PSG6: variants seen among roughly 807,000 people sequenced by gnomAD.
The protein encoded by PSG6 is pregnancy specific beta-1-glycoprotein 6, also known as pregnancy-specific beta-1-glycoprotein 6.
PSG6 carries 51 observed loss-of-function variants against 43.3 expected under a neutral mutation model. The observed-to-expected ratio is 1.18, with a 90% CI of 0.94 to 1.49. PSG6 has a LOEUF of 1.49. Ranked by LOEUF, PSG6 falls within the 40% of genes most tolerant of loss-of-function variation. PSG6 has a pLI of 0.00. For missense variants in PSG6, 770 were observed against 522.2 expected, an observed-to-expected ratio of 1.47 and a Z score of -4.62; for synonymous variants, 292 against 197.6, an observed-to-expected ratio of 1.48 and a Z score of -4.01.
In PSG6 at chr19:42,902,268, C is replaced by G; in HGVS notation, c.*144G>C. 2 of 1,051,860 alleles carry G rather than the reference C, an allele frequency of 1.9e-6. No homozygotes were observed. Among genetic ancestry groups the G allele is most frequent in the Non-Finnish European group, 2.7e-6 (2 of 739,366 alleles). The allele number at this position is 1,051,860 out of a possible 1,614,324, so 65.2% of individuals were successfully genotyped here. On this transcript the variant is annotated 3_prime_UTR_variant, in exon 6 of 6. Transcript: ENST00000187910. The stretch of plus-strand genomic sequence containing the variant: ...CTGGAGAATAAAACATTCCAAGAAT[C>G]AGCACATTTTCCAATAAAAAATTAT...
In PSG6 at chr19:42,907,153, A is replaced by G. The variant is rs756927737; in HGVS notation, c.1009T>C (p.Tyr337His). The G allele has an allele frequency of 6.2e-7, 1 of 1,612,554 alleles. No individual in the cohort carries two copies. The highest frequency in any genetic ancestry group is 2.2e-5 in the East Asian group (1 of 44,812). The stretch of plus-strand genomic sequence containing the variant: ...GAACGGTAATAGGTGAATGAAGGGT[A>G]AATTCTGGGGAGGTCTGGACCATCT... ...VLYGPDLPRI[Y>H]PSFTYYRSGE... is the part of the protein sequence containing the mutation. The change falls in exon 5 of 6, where the codon TAC becomes CAC. Residue 337 changes from tyrosine (Y) to histidine (H), a missense_variant. Transcript: ENST00000187910.
chr19:42,914,618 G>A (rs182302549), intron 2 of PSG6, among the ~76,000 whole-genome samples: 2 of 151,446 alleles, frequency 1.3e-5, no homozygotes, highest in Admixed American at 6.6e-5. Context: ...GAGGTAGTGG[G>A]GGGATGAAAC....
chr19:42,907,744 A>T lies in PSG6; in HGVS notation c.817T>A (p.Trp273Arg), dbSNP rs749754812. 1 of 1,610,824 alleles carries T rather than the reference A, an allele frequency of 6.2e-7. No individual in the cohort carries two copies. Among genetic ancestry groups the T allele is most frequent in the Non-Finnish European group, 8.5e-7 (1 of 1,179,108 alleles). The change falls in exon 4 of 6, where the codon TGG becomes AGG. Residue 273 changes from tryptophan to arginine, a missense_variant. Trp to Arg is a moderately radical substitution (Grantham distance 101). Transcript: ENST00000187910. The part of the protein sequence containing the change: ...PKSRNYTYIW[W>R]LNGQSLPVSP... ...ACCGGGAGGCTCTGACCATTTAGCCACCAAATGTAGGTGTAGTTCCGACTC... is the reference window on the plus strand; with the variant it reads ...ACCGGGAGGCTCTGACCATTTAGCCTCCAAATGTAGGTGTAGTTCCGACTC...
At chr19:42,902,534 G>C in intron 5 of PSG6, 88 bp from the exon 6 acceptor site, 1 of 1,554,904 alleles carries the variant, frequency 6.4e-7, no homozygotes, top group Non-Finnish European at 8.8e-7. Context: ...TCCCAGCAAG[G>C]GTGTGAAAGC....
intron 1 of PSG6, among the ~76,000 whole-genome samples, chr19:42,916,876 C>G (rs908644028): frequency 1.3e-5 from 2 of 151,452 alleles, no homozygotes; most frequent in African/African-American, 4.9e-5. Flanking sequence ...CTGACCTTTC[C>G]CTGCTCTGCT....
rs370840385 is a variant in PSG6 at position 42,913,946 on chromosome 19, A to C, written c.427+2179T>G. Among the ~76,000 whole-genome samples, 32 of 151,832 alleles carry C rather than the reference A, an allele frequency of 2.1e-4. 2 individuals are homozygous for C. The highest frequency in any genetic ancestry group is 1.1e-3 in the Admixed American group (16 of 15,222). On this transcript the variant is annotated intron_variant, in intron 2 of 5. Coordinates refer to ENST00000187910, the MANE Select transcript of PSG6 (RefSeq NM_001031850.4). ...CTGATCCACTGGGGAGGCTGATTTGAGTAATAATAAACCTCCACCCTCCTG... is the reference window on the plus strand; with the variant it reads ...CTGATCCACTGGGGAGGCTGATTTGCGTAATAATAAACCTCCACCCTCCTG...
At chr19:42,916,561 G>T in intron 1 of PSG6, 74 bp from the exon 2 acceptor site, 1 of 1,528,736 alleles carries the variant, frequency 6.5e-7, no homozygotes, top group East Asian at 2.3e-5. Flanking sequence ...CCTGTGTCCT[G>T]AGAAGGTCTC....
At chr19:42,908,219 A>G (rs1428610201) in intron 3 of PSG6, among the ~76,000 whole-genome samples, 4 of 151,486 alleles carry the variant, frequency 2.6e-5, no homozygotes, top group Non-Finnish European at 4.4e-5. Flanking sequence ...GCCCCTTCCA[A>G]ATTACATCCT....
At chr19:42,910,934 G>T in intron 2 of PSG6, 76 bp from the exon 3 acceptor site, 1 of 1,533,508 alleles carries the variant, frequency 6.5e-7, no homozygotes. Context: ...AATCAGAGTT[G>T]GCATTTCCAA....
rs148418728 is a variant in PSG6, at chr19:42,915,108, G to T, written c.427+1017C>A. ...CAGTAAGCCCTCACTTCTGGTAGAG[G>T]AGAGGATGGGCCTGTGGCTGCAGAC... On this transcript the variant is annotated intron_variant, in intron 2 of 5. Transcript: ENST00000187910. Among the ~76,000 whole-genome samples the T allele has an allele frequency of 2.3e-3, 346 of 151,528 alleles. 9 individuals are homozygous for T. The highest frequency in any genetic ancestry group is 7.4e-3 in the African/African-American group (304 of 41,314).
At position 42,917,841 on chromosome 19, in the gene PSG6, C is replaced by T; in HGVS notation, c.-49G>A. The T allele has an allele frequency of 1.3e-6, 2 of 1,588,314 alleles. No individual in the cohort carries two copies. Among genetic ancestry groups the T allele is most frequent in the Non-Finnish European group, 1.7e-6 (2 of 1,164,390 alleles). On this transcript the variant is annotated 5_prime_UTR_variant, in exon 1 of 6. Coordinates refer to ENST00000187910, the MANE Select transcript of PSG6 (RefSeq NM_001031850.4). ...CCCCTGTGGAGATGAGCCTAGGATCCAGAGACTTCCTGAGCAGGGCTGTCA... is the reference window on the plus strand; with the variant it reads ...CCCCTGTGGAGATGAGCCTAGGATCTAGAGACTTCCTGAGCAGGGCTGTCA...
At position 42,915,990 on chromosome 19, in the gene PSG6, C is replaced by A. The variant is rs376871607; in HGVS notation, c.427+135G>T. ...GTGTCTCCTCTGTGTGTGTCCTGCA[C>A]TAAATGCCCAAACCCCAGCATGGGA... is the stretch of plus-strand genomic sequence containing the variant. On this transcript the variant is annotated intron_variant, in intron 2 of 5. Transcript: ENST00000187910. The A allele has an allele frequency of 1.5e-4, 215 of 1,473,878 alleles. 13 individuals carry two copies. In the East Asian group the frequency reaches 2.9e-3, roughly 20 times the overall value. 91.3% of individuals were successfully genotyped at this position (1,473,878 alleles called of 1,614,324 possible). A position where few individuals can be genotyped will look rare whatever the true frequency, so the allele number is the denominator to read the frequency against.
chr19:42,911,246 C>T (rs1012958852), intron 2 of PSG6, among the ~76,000 whole-genome samples: 1 of 151,438 alleles, frequency 6.6e-6, no homozygotes, highest in Non-Finnish European at 1.5e-5. Context: ...CACTTTGCCC[C>T]CTGAGGTATG....
chr19:42,905,029 G>T (rs1972090333), intron 5 of PSG6, among the ~76,000 whole-genome samples: 1 of 151,586 alleles, frequency 6.6e-6, no homozygotes, highest in South Asian at 2.1e-4. Flanking sequence ...TCGTTCAATG[G>T]GGAAGGGACA....
In PSG6 at chr19:42,917,676, T is replaced by C. The variant is rs961154228; in HGVS notation, c.64+53A>G. 163 of 1,599,996 alleles carry C rather than the reference T, an allele frequency of 1.0e-4. 6 individuals carry two copies. Among genetic ancestry groups the C allele is most frequent in the Non-Finnish European group, 1.4e-4 (159 of 1,170,346 alleles). ...ACCCCATCCTCTCCAGGATACCCCA[T>C]CCAGTCACTCTGCTTCCTCCTCCTG... On this transcript the variant is annotated intron_variant, in intron 1 of 5. Coordinates refer to ENST00000187910, the MANE Select transcript of PSG6 (RefSeq NM_001031850.4).
rs567549536 is a variant in PSG6 at position 42,910,615 on chromosome 19, G to A, written c.671C>T (p.Ala224Val). Residue 224 changes from alanine (A) to valine (V), a missense_variant, in exon 3 of 6, where the codon GCC becomes GTC. Ala to Val is a moderately conservative substitution (Grantham distance 64, BLOSUM62 0). Coordinates refer to ENST00000187910, the MANE Select transcript of PSG6 (RefSeq NM_001031850.4). ...YECEIRNPVS[A>V]SRSDPVTLNL... ...CAGGGTGACTGGGTCACTGCGGCTGGCACTCACTGGGTTCCGTATTTCACA... is the reference window on the plus strand; with the variant it reads ...CAGGGTGACTGGGTCACTGCGGCTGACACTCACTGGGTTCCGTATTTCACA... 6 of 1,612,452 alleles carry A rather than the reference G, an allele frequency of 3.7e-6. 1 individual carries two copies. The African/African-American group carries it at 5.3e-5, about 14-fold the overall frequency.
chr19:42,910,962 G>A, intron 2 of PSG6, 104 bp from the exon 3 acceptor site: 1 of 1,515,256 alleles, frequency 6.6e-7, no homozygotes, highest in Non-Finnish European at 8.8e-7. Flanking sequence ...GCCCACCCAA[G>A]TCCTTAAAAG....
chr19:42,911,129 C>T (rs528521981), intron 2 of PSG6, among the ~76,000 whole-genome samples: 20 of 151,722 alleles, frequency 1.3e-4, no homozygotes, highest in South Asian at 2.1e-4. Context: ...CCAGCAGTCA[C>T]AGCCCCTGGT....
At position 42,908,901 on chromosome 19, in the gene PSG6, T is replaced by G. The variant is rs192185384; in HGVS notation, c.707-1047A>C. On this transcript the variant is annotated intron_variant, in intron 3 of 5. Transcript: ENST00000187910. ...GCTGCTGGAAGCCAGGAGCTGGGAGTGGGGAGAATCAGAAGTTGTTCATGG... is the reference window on the plus strand; with the variant it reads ...GCTGCTGGAAGCCAGGAGCTGGGAGGGGGGAGAATCAGAAGTTGTTCATGG... Among the ~76,000 whole-genome samples, 1,317 of 151,350 alleles carry G rather than the reference T, an allele frequency of 8.7e-3. 41 individuals are homozygous for G. Among genetic ancestry groups the G allele is most frequent in the African/African-American group, 0.028 (1,149 of 41,206 alleles).
Sources: gnomAD v4.1 joint callset for allele counts (sites outside exome capture counted in the v4.1 genomes callset) on GRCh38, gnomAD v4.1.1 for gene constraint, MANE v1.5 for transcripts, NCBI Gene and HGNC (gene_info 2026-07-23, HGNC 2026-07-21) for gene names.